Variants in PARVA observed in about 807,000 individuals in gnomAD.
PARVA encodes parvin alpha, also known as alpha-parvin.
A neutral mutation model predicts 52.6 loss-of-function variants in PARVA; 25 were observed. The ratio of observed to expected loss-of-function variants is 0.48; its 90% CI spans 0.35 to 0.66. PARVA has a LOEUF of 0.66. Among genes scored for constraint, PARVA ranks in the 30% least tolerant of loss-of-function variants. PARVA has a pLI of 0.01. For missense variants in PARVA, 373 were observed against 450.9 expected (o/e 0.83, Z 1.56); for synonymous variants, 185 against 179.1 (o/e 1.03, Z -0.26).
At chr11:12,449,234 A>G (rs1589961594) in intron 1 of PARVA, among the ~76,000 whole-genome samples, 1 of 151,952 alleles carries the variant, frequency 6.6e-6, no homozygotes, top group Non-Finnish European at 1.5e-5. Context: ...GCTCACTGCA[A>G]CCTCTGCCTC....
intron 5 of PARVA, among the ~76,000 whole-genome samples, chr11:12,501,770 A>C (rs1348647522): frequency 2.0e-5 from 3 of 152,208 alleles, no homozygotes; most frequent in Admixed American, 6.5e-5. Context: ...TCTAAAAAAA[A>C]TCCCAGGAGG....
chr11:12,524,033 T>C (rs1484375412), intron 12 of PARVA, among the ~76,000 whole-genome samples: 1 of 152,226 alleles, frequency 6.6e-6, no homozygotes, highest in African/African-American at 2.4e-5. Flanking sequence ...CTCTGACTGC[T>C]GTCTCCCCTA....
intron 1 of PARVA, among the ~76,000 whole-genome samples, chr11:12,434,490 T>A (rs538291621): frequency 4.3e-4 from 66 of 152,256 alleles, no homozygotes; most frequent in Non-Finnish European, 6.8e-4. Flanking sequence ...AGCCTTGGAG[T>A]TCCTCCTCAG....
At chr11:12,452,855 C>G (rs924608978) in intron 1 of PARVA, 1 of 328,454 alleles carries the variant, frequency 3.0e-6, no homozygotes, top group Non-Finnish European at 6.3e-6. Flanking sequence ...AGAGTTGTGC[C>G]GAGCAGGAGG....
intron 1 of PARVA, among the ~76,000 whole-genome samples, chr11:12,395,091 C>CGG (rs1939720142): frequency 1.8e-5 from 1 of 54,908 alleles, no homozygotes; most frequent in African/African-American, 7.7e-5. Context: ...AACTCCATCT[C>CGG]AAAAAAAAAA....
chr11:12,505,722 A>C (rs995244735), intron 6 of PARVA, among the ~76,000 whole-genome samples: 1 of 152,186 alleles, frequency 6.6e-6, no homozygotes, highest in African/African-American at 2.4e-5. Flanking sequence ...TCTGCTATGG[A>C]TATGTGGCCA....
At chr11:12,519,138 A>G (rs560725346) in intron 12 of PARVA, among the ~76,000 whole-genome samples, 8 of 152,204 alleles carry the variant, frequency 5.3e-5, no homozygotes, top group Non-Finnish European at 1.0e-4. Flanking sequence ...TTACTGACTG[A>G]AGTATTCCAT....
At chr11:12,377,476 G>A (rs1346781677), upstream of PARVA, 1 of 1,400,650 alleles carries the variant, frequency 7.1e-7, no homozygotes, top group Non-Finnish European at 9.3e-7. Context: ...GCGCGAGGGA[G>A]GGAGCGAGGG....
At chr11:12,394,933 A>C (rs977365018) in intron 1 of PARVA, among the ~76,000 whole-genome samples, 1 of 152,094 alleles carries the variant, frequency 6.6e-6, no homozygotes, top group Admixed American at 6.5e-5. Flanking sequence ...CTCTACTAAA[A>C]ATACAAAATT....
At chr11:12,511,339 G>A (rs780150255) in intron 7 of PARVA, among the ~76,000 whole-genome samples, 175 bp from the exon 8 acceptor site, 7 of 152,272 alleles carry the variant, frequency 4.6e-5, no homozygotes, top group South Asian at 4.1e-4. Context: ...ATTGGAGGCC[G>A]TGCAGAATAA....
intron 12 of PARVA, among the ~76,000 whole-genome samples, chr11:12,526,172 A>G (rs1317356247): frequency 6.6e-6 from 1 of 152,180 alleles, no homozygotes; most frequent in Non-Finnish European, 1.5e-5. Flanking sequence ...CTGCTATATA[A>G]TTCATTCATG....
At chr11:12,402,895 A>G (rs1440859696) in intron 1 of PARVA, among the ~76,000 whole-genome samples, 1 of 152,218 alleles carries the variant, frequency 6.6e-6, no homozygotes, top group African/African-American at 2.4e-5. Flanking sequence ...GCCTCAACCG[A>G]GTCTCAGAAA....
chr11:12,484,504 G>GGTTGTGTGTGTGT (rs1941131073), intron 4 of PARVA, among the ~76,000 whole-genome samples: 1 of 144,586 alleles, frequency 6.9e-6, no homozygotes, highest in Non-Finnish European at 1.5e-5. Flanking sequence ...GTTTTGTTTT[G>GGTTGTGTGTGTGT]GTGTGTGTGT....
At chr11:12,383,847 T>A (rs915189774) in intron 1 of PARVA, among the ~76,000 whole-genome samples, 2 of 152,204 alleles carry the variant, frequency 1.3e-5, no homozygotes, top group African/African-American at 4.8e-5. Flanking sequence ...AAAATTTGCA[T>A]ATAAGTGGAC....
At chr11:12,432,751 T>C (rs954970944) in intron 1 of PARVA, among the ~76,000 whole-genome samples, 5 of 152,214 alleles carry the variant, frequency 3.3e-5, no homozygotes, top group African/African-American at 1.2e-4. Flanking sequence ...GAGAATATTT[T>C]AAAAAGTGGA....
intron 12 of PARVA, among the ~76,000 whole-genome samples, chr11:12,523,407 G>A (rs1941663351): frequency 6.6e-6 from 1 of 152,184 alleles, no homozygotes; most frequent in African/African-American, 2.4e-5. Context: ...GAGACCGTGG[G>A]GGAAGGCTTC....
intron 7 of PARVA, among the ~76,000 whole-genome samples, chr11:12,509,811 G>A (rs973572963): frequency 2.6e-5 from 4 of 150,968 alleles, no homozygotes; most frequent in African/African-American, 9.9e-5. Flanking sequence ...CCTTGGTTCT[G>A]TGAGGGATGG....
At chr11:12,389,969 A>G (rs1939633632) in intron 1 of PARVA, among the ~76,000 whole-genome samples, 1 of 152,108 alleles carries the variant, frequency 6.6e-6, no homozygotes, top group Admixed American at 6.5e-5. Flanking sequence ...TAAAATCCAG[A>G]GGCAATGCTC....
intron 4 of PARVA, among the ~76,000 whole-genome samples, chr11:12,482,349 G>A (rs1035877072): frequency 7.9e-5 from 12 of 151,790 alleles, no homozygotes; most frequent in Admixed American, 2.0e-4. Flanking sequence ...AAAGCTGGCC[G>A]GGTGTGGTGG....
Sources: gnomAD v4.1 joint callset for allele counts (sites outside exome capture counted in the v4.1 genomes callset) on GRCh38, gnomAD v4.1.1 for gene constraint, MANE v1.5 for transcripts, NCBI Gene and HGNC (gene_info 2026-07-23, HGNC 2026-07-21) for gene names.